Variants in FASTKD1 observed in about 807,000 individuals in gnomAD.
FASTKD1 encodes the protein FAST kinase domains 1.
In FASTKD1, 94 loss-of-function variants were observed where a neutral mutation model predicts 90.9. That is an observed-to-expected ratio of 1.03 (90% CI 0.88 to 1.23). The LOEUF (loss-of-function observed/expected upper bound fraction) is 1.23, where lower values mean the gene tolerates loss of function less well. FASTKD1 is among the 50% of genes most tolerant of loss of function. The probability of loss-of-function intolerance (pLI) is 0.00; values close to 1 mark genes in which losing one functional copy is unlikely to be tolerated. For missense variants in FASTKD1, 945 were observed against 993.5 expected, an observed-to-expected ratio of 0.95 and a Z score of 0.66; for synonymous variants, 319 against 345.8, an observed-to-expected ratio of 0.92 and a Z score of 0.86.
At chr2:169,563,373 G>C in intron 3 of FASTKD1, 23 bp from the exon 4 acceptor site, 8 of 1,514,848 alleles carry the variant, frequency 5.3e-6, no homozygotes, top group Non-Finnish European at 6.3e-6. Context: ...ATATACAAAG[G>C]AGAACATTAG....
chr2:169,537,236 G>T lies in FASTKD1; in HGVS notation c.2179C>A (p.His727Asn). 1 of 1,595,380 alleles carries T rather than the reference G, an allele frequency of 6.3e-7. No individual in the cohort carries two copies. The highest frequency in any genetic ancestry group is 8.6e-7 in the Non-Finnish European group (1 of 1,163,774). ...CTACCCAATAACTTACCTACTTTGTGGTAATAAGGCGTAAGAACCGAGGCT... is the reference window on the plus strand; with the variant it reads ...CTACCCAATAACTTACCTACTTTGTTGTAATAAGGCGTAAGAACCGAGGCT... ...VKASVLTPYY[H>N]KVDFECILDK... The change falls in exon 12 of 15, where the codon CAC (histidine) becomes AAC (asparagine). Residue 727 changes from histidine (H) to asparagine (N), a missense_variant. By Grantham distance (68) the His-to-Asn change is moderately conservative. Transcript: ENST00000453153.
intron 9 of FASTKD1, 42 bp downstream of exon 9, chr2:169,544,679 T>G: frequency 9.2e-7 from 1 of 1,082,768 alleles, no homozygotes; most frequent in Non-Finnish European, 1.4e-6. Context: ...ACAAGTATCC[T>G]CTGACTTATT....
chr2:169,556,101 G>A lies in FASTKD1; in HGVS notation c.1083-846C>T, dbSNP rs144855252. Among the ~76,000 whole-genome samples the A allele has an allele frequency of 1.6e-3, 241 of 152,136 alleles. 1 individual carries two copies. The highest frequency in any genetic ancestry group is 5.3e-3 in the African/African-American group (220 of 41,520). On this transcript the variant is annotated intron_variant, in intron 6 of 14. Coordinates refer to ENST00000453153, the MANE Select transcript of FASTKD1 (RefSeq NM_024622.6). Reference sequence around the variant, plus strand: ...GGTCTTTATGCTCTCTATTTTACAAGGTTATGATGCTCTGCTTGAGTGTAA... The same window carrying A: ...GGTCTTTATGCTCTCTATTTTACAAAGTTATGATGCTCTGCTTGAGTGTAA...
chr2:169,554,475 C>T (rs1685652116), intron 7 of FASTKD1, among the ~76,000 whole-genome samples: 1 of 151,400 alleles, frequency 6.6e-6, no homozygotes, highest in African/African-American at 2.4e-5. Flanking sequence ...ACCAGCCTGA[C>T]CAATACAGTG....
At chr2:169,553,285 A>AAAAAC in intron 7 of FASTKD1, among the ~76,000 whole-genome samples, 1 of 149,770 alleles carries the variant, frequency 6.7e-6, no homozygotes, top group African/African-American at 2.4e-5. Flanking sequence ...AAAAAAAAAA[A>AAAAAC]AAAACCCACT....
Position 169,541,721 on chromosome 2 carries a change from T to C in FASTKD1, c.1817-1542A>G, listed in dbSNP as rs530038290. ...ATCCCTAATGTAGAGCCTAACATGT[T>C]ATGCTGGATATGGAAGCTCTCAGTA... On this transcript the variant is annotated intron_variant, in intron 9 of 14. Transcript: ENST00000453153. 7.9e-5 allele frequency among the ~76,000 whole-genome samples: 12 copies of C among 152,318 alleles called. No individual in the cohort carries two copies. The East Asian group carries it at 1.9e-3, about 24-fold the overall frequency.
intron 6 of FASTKD1, among the ~76,000 whole-genome samples, chr2:169,555,838 G>A (rs1481420911): frequency 6.6e-6 from 1 of 152,178 alleles, no homozygotes; most frequent in Non-Finnish European, 1.5e-5. Flanking sequence ...ACAAATGGCA[G>A]TATGACTTCA....
intron 12 of FASTKD1, among the ~76,000 whole-genome samples, chr2:169,536,309 C>G (rs937591567): frequency 6.6e-6 from 1 of 152,122 alleles, no homozygotes; most frequent in Non-Finnish European, 1.5e-5. Context: ...CTCTCTAGTT[C>G]TGTCTACGAC....
rs369119259 is a variant in FASTKD1, at chr2:169,544,768, C to T, written c.1769G>A (p.Arg590Lys). The T allele has an allele frequency of 2.0e-5, 33 of 1,612,792 alleles. No homozygotes were observed. The highest frequency in any genetic ancestry group is 2.7e-5 in the Non-Finnish European group (32 of 1,179,048). The change falls in exon 9 of 15, where the codon AGG (arginine) becomes AAG (lysine). Residue 590 changes from arginine to lysine, a missense_variant. By Grantham distance (26) the Arg-to-Lys change is conservative. Transcript: ENST00000453153. ...FSVLNYDPPQ[R>K]DEFLGTCVQH... ...CACGCAAGTTCCCAAAAATTCATCC[C>T]TTTGAGGTGGATCATAGTTCAATAC...
intron 2 of FASTKD1, among the ~76,000 whole-genome samples, chr2:169,570,831 A>G (rs1197055053): frequency 6.6e-6 from 1 of 151,974 alleles, no homozygotes; most frequent in Non-Finnish European, 1.5e-5. Context: ...GCCTGCCATC[A>G]CGCCCAGCTA....
chr2:169,549,004 G>A (rs1685360880), intron 7 of FASTKD1, among the ~76,000 whole-genome samples: 1 of 150,232 alleles, frequency 6.7e-6, no homozygotes, highest in Non-Finnish European at 1.5e-5. Flanking sequence ...GGCTGAGACA[G>A]GAGAATGGCG....
chr2:169,531,320 T>C (rs772690405), intron 13 of FASTKD1, 32 bp downstream of exon 13: 1 of 1,597,846 alleles, frequency 6.3e-7, no homozygotes, highest in Non-Finnish European at 8.6e-7. Flanking sequence ...CATTTAGATA[T>C]TAATACAATC....
At chr2:169,553,668 G>A (rs184052444) in intron 7 of FASTKD1, among the ~76,000 whole-genome samples, 43 of 152,098 alleles carry the variant, frequency 2.8e-4, no homozygotes, top group African/African-American at 8.7e-4. Context: ...CTGTAATCCC[G>A]GCACTTTGGG....
chr2:169,537,472 C>A (rs1684776796), intron 11 of FASTKD1, 132 bp from the exon 12 acceptor site: 2 of 526,542 alleles, frequency 3.8e-6, no homozygotes, highest in Admixed American at 3.1e-5. Context: ...GCAACCTCTG[C>A]CTCCCCAGTT....
chr2:169,570,282 T>C (rs771560366), intron 2 of FASTKD1, among the ~76,000 whole-genome samples: 2 of 152,234 alleles, frequency 1.3e-5, no homozygotes, highest in African/African-American at 2.4e-5. Context: ...CCCAGTTCTT[T>C]TGAAGGCTGG....
chr2:169,530,602 C>T lies in FASTKD1; in HGVS notation c.2427G>A (p.Gly809=), dbSNP rs1204342304. Residue 809 remains glycine (G), a synonymous_variant, in exon 14 of 15, where the codon GGG becomes GGA. Coordinates refer to ENST00000453153, the MANE Select transcript of FASTKD1 (RefSeq NM_024622.6). ...AMKKRHLEIL[G]YRVIQISQFE... is the part of the protein sequence containing the mutation. ...TATTTCATACCTGAATTACACGATA[C>T]CCCAGAATTTCCAAATGTCGTTTTT... 6.2e-7 allele frequency: 1 copy of T among 1,601,530 alleles called. No individual in the cohort carries two copies. The highest frequency in any genetic ancestry group is 1.3e-5 in the African/African-American group (1 of 74,474).
chr2:169,560,602 A>G lies in FASTKD1; in HGVS notation c.756T>C (p.Cys252=). 1 of 1,609,936 alleles carries G rather than the reference A, an allele frequency of 6.2e-7. No homozygotes were observed. The highest frequency in any genetic ancestry group is 8.5e-7 in the Non-Finnish European group (1 of 1,178,612). The part of the protein sequence containing the change: ...RYRYQPLLER[C]NNVFLSNVDH... ...CCACATTACTTAAAAATACGTTATT[A>G]CATCTTTCTAATAGTGGTTGATAAC... is the stretch of plus-strand genomic sequence containing the variant. Residue 252 remains cysteine (C), a synonymous_variant, in exon 5 of 15, where the codon TGT becomes TGC. Coordinates refer to ENST00000453153, the MANE Select transcript of FASTKD1 (RefSeq NM_024622.6).
At position 169,563,114 on chromosome 2, in the gene FASTKD1, G is replaced by A. The variant is rs952759311; in HGVS notation, c.572+111C>T. The A allele has an allele frequency of 3.8e-6, 4 of 1,041,520 alleles. No homozygotes were observed. In the East Asian group the frequency reaches 1.1e-4, roughly 28 times the overall value. The allele number at this position is 1,041,520 out of a possible 1,614,324, so 64.5% of individuals were successfully genotyped here. ...GCAGATGAGGATAACGAACTTCCAAGAGCTTAAGTAACCTTAAGTCACATA... is the reference window on the plus strand; with the variant it reads ...GCAGATGAGGATAACGAACTTCCAAAAGCTTAAGTAACCTTAAGTCACATA... On this transcript the variant is annotated intron_variant, in intron 4 of 14. Transcript: ENST00000453153.
intron 6 of FASTKD1, among the ~76,000 whole-genome samples, chr2:169,555,714 TTAAAA>T (rs1197949281): frequency 2.6e-5 from 4 of 152,242 alleles, no homozygotes; most frequent in African/African-American, 9.6e-5. Flanking sequence ...CAAAGAAATA[TTAAAA>T]TAAAGGAACA....
Sources: gnomAD v4.1 joint callset for allele counts (sites outside exome capture counted in the v4.1 genomes callset) on GRCh38, gnomAD v4.1.1 for gene constraint, MANE v1.5 for transcripts, NCBI Gene and HGNC (gene_info 2026-07-23, HGNC 2026-07-21) for gene names.